Variants in KDM4B observed in about 807,000 individuals in gnomAD.
KDM4B encodes the protein lysine-specific demethylase 4B.
In KDM4B, 32 loss-of-function variants were observed where a neutral mutation model predicts 125.2. The observed-to-expected ratio is 0.26, with a 90% CI of 0.19 to 0.34. The LOEUF (loss-of-function observed/expected upper bound fraction) is 0.34, where lower values mean the gene tolerates loss of function less well. Among genes scored for constraint, KDM4B ranks in the 10% least tolerant of loss-of-function variants. KDM4B has a pLI of 1.00. For synonymous variants in KDM4B, 721 were observed against 677.9 expected (o/e 1.06, Z -0.99); for missense variants, 1,190 against 1,577.7 (o/e 0.75, Z 4.16).
intron 10 of KDM4B, among the ~76,000 whole-genome samples, chr19:5,118,854 T>C (rs2620853): frequency 0.59 from 89,203 of 152,080 alleles, 26,307 homozygotes; most frequent in East Asian, 0.65. Flanking sequence ...GGTGTCCAGG[T>C]TGGGCATGCA....
chr19:5,011,619 G>A (rs1016255039), intron 1 of KDM4B, among the ~76,000 whole-genome samples: 2 of 152,334 alleles, frequency 1.3e-5, no homozygotes, highest in South Asian at 2.1e-4. Flanking sequence ...GGGCCATCCC[G>A]GCTCAGGCAA....
intron 5 of KDM4B, among the ~76,000 whole-genome samples, chr19:5,042,682 G>A (rs372762610): frequency 7.1e-6 from 1 of 141,292 alleles, no homozygotes; most frequent in Non-Finnish European, 1.6e-5. Context: ...GAGAGAGTGA[G>A]GGGGGGGGCG....
chr19:5,013,844 C>T (rs978379130), intron 1 of KDM4B, among the ~76,000 whole-genome samples: 8 of 152,262 alleles, frequency 5.3e-5, no homozygotes, highest in African/African-American at 1.7e-4. Flanking sequence ...CTGCTGCCCA[C>T]AGCTGCGTGG....
chr19:5,047,338 T>TG (rs565046565), intron 5 of KDM4B, 138 bp from the exon 6 acceptor site: 65 of 733,428 alleles, frequency 8.9e-5, no homozygotes, highest in African/African-American at 8.5e-4. Context: ...GACCGGCCCC[T>TG]GGGGGGGCCG....
At chr19:5,112,244 C>A in intron 10 of KDM4B, 1 of 170,646 alleles carries the variant, frequency 5.9e-6, no homozygotes, top group South Asian at 1.5e-4. Flanking sequence ...CAGAGCAAGA[C>A]CTTGTCTCTC....
At position 4,988,477 on chromosome 19, in the gene KDM4B, A is replaced by G. The variant is rs904147920; in HGVS notation, c.-109+19247A>G. ...TTTTTAGTAGAGACGGGGTTTCACC[A>G]TGTTAGCCAGGATGGTCTCAATCTC... On this transcript the variant is annotated intron_variant, in intron 1 of 22. Transcript: ENST00000159111. Among the ~76,000 whole-genome samples, 4 of 151,958 alleles carry G rather than the reference A, an allele frequency of 2.6e-5. 1 individual carries two copies. The highest frequency in any genetic ancestry group is 6.6e-5 in the Admixed American group (1 of 15,260).
intron 8 of KDM4B, chr19:5,080,833 A>C (rs1438103746): frequency 6.6e-6 from 1 of 152,226 alleles, no homozygotes; most frequent in East Asian, 1.9e-4. Flanking sequence ...ATAAATAACC[A>C]TAGATCCACG....
intron 1 of KDM4B, among the ~76,000 whole-genome samples, chr19:5,006,275 A>G (rs1482821748): frequency 1.3e-5 from 2 of 151,032 alleles, no homozygotes; most frequent in African/African-American, 4.9e-5. Context: ...TCAGAGCGGA[A>G]CCCCCATCCC....
At chr19:5,121,237 G>A (rs1007956226) in intron 11 of KDM4B, among the ~76,000 whole-genome samples, 1 of 152,202 alleles carries the variant, frequency 6.6e-6, no homozygotes, top group Admixed American at 6.5e-5. Flanking sequence ...GCATCCCTGG[G>A]GGAAAGAGCA....
At chr19:5,145,823 C>T (rs1394260302) in intron 21 of KDM4B, among the ~76,000 whole-genome samples, 1 of 152,182 alleles carries the variant, frequency 6.6e-6, no homozygotes, top group Non-Finnish European at 1.5e-5. Flanking sequence ...CGCGGCGGGT[C>T]AGTCGGTGAC....
chr19:5,105,170 G>A (rs534279340), intron 9 of KDM4B, among the ~76,000 whole-genome samples: 41 of 152,338 alleles, frequency 2.7e-4, no homozygotes, highest in African/African-American at 9.6e-4. Context: ...CCAGAGCGGG[G>A]CAGAGCAGGA....
intron 9 of KDM4B, among the ~76,000 whole-genome samples, chr19:5,095,910 A>G (rs1417832510): frequency 6.6e-6 from 1 of 152,146 alleles, no homozygotes; most frequent in Non-Finnish European, 1.5e-5. Context: ...CCCCCAGTCT[A>G]TAGAGTGGGT....
chr19:5,024,451 C>T (rs536925035), intron 2 of KDM4B, among the ~76,000 whole-genome samples: 29 of 152,218 alleles, frequency 1.9e-4, no homozygotes, highest in South Asian at 1.9e-3. Flanking sequence ...CAGGCTGGAG[C>T]GTGCGGCCCT....
intron 2 of KDM4B, among the ~76,000 whole-genome samples, chr19:5,019,914 G>T (rs1190571467): frequency 2.0e-5 from 3 of 148,306 alleles, no homozygotes; most frequent in Non-Finnish European, 3.0e-5. Flanking sequence ...AGGTGTTGGT[G>T]TGGATGTTGG....
chr19:4,970,760 C>T lies in KDM4B; in HGVS notation c.-109+1530C>T, dbSNP rs1435091824. Among the ~76,000 whole-genome samples, 3 of 152,210 alleles carry T rather than the reference C, an allele frequency of 2.0e-5. No homozygotes were observed. In the East Asian group the frequency reaches 5.8e-4, roughly 29 times the overall value. The stretch of plus-strand genomic sequence containing the variant: ...CCCCTGCTGAAGCAGTGGGCATCCT[C>T]TCTCCGCTTTGCAGTTTATGTTTTG... On this transcript the variant is annotated intron_variant, in intron 1 of 22. Transcript: ENST00000159111.
chr19:4,973,995 CGGT>C (rs1405214170), intron 1 of KDM4B, among the ~76,000 whole-genome samples: 2 of 151,722 alleles, frequency 1.3e-5, no homozygotes, highest in African/African-American at 4.8e-5. Flanking sequence ...CTGGGCGTGG[CGGT>C]GCACACCTGT....
At chr19:5,004,944 C>T (rs2035510575) in intron 1 of KDM4B, among the ~76,000 whole-genome samples, 1 of 152,186 alleles carries the variant, frequency 6.6e-6, no homozygotes, top group Non-Finnish European at 1.5e-5. Flanking sequence ...AGCTGGTCAC[C>T]CCCTGCACAG....
At chr19:4,998,859 A>T in intron 1 of KDM4B, among the ~76,000 whole-genome samples, 1 of 152,154 alleles carries the variant, frequency 6.6e-6, no homozygotes, top group African/African-American at 2.4e-5. Context: ...GATTCAGGCC[A>T]CACACTTTTG....
chr19:5,096,987 AATCGACACTTTAAAG>A (rs1251583254), intron 9 of KDM4B, among the ~76,000 whole-genome samples: 2 of 152,034 alleles, frequency 1.3e-5, no homozygotes, highest in Non-Finnish European at 2.9e-5. Flanking sequence ...CTTCCACCAG[AATCGACACTTTAAAG>A]AGCACGGGCT....
Sources: allele counts gnomAD v4.1 joint callset (sites outside exome capture counted in the v4.1 genomes callset), GRCh38; gene constraint gnomAD v4.1.1; transcripts MANE v1.5; gene names NCBI Gene and HGNC (gene_info 2026-07-23, HGNC 2026-07-21).